The following VWC2 variants were observed in gnomAD, a reference collection of about 807,000 sequenced individuals.
The protein encoded by VWC2 is brorin.
A neutral mutation model predicts 29.8 loss-of-function variants in VWC2; 14 were observed. The ratio of observed to expected loss-of-function variants is 0.47; its 90% CI spans 0.31 to 0.74. The LOEUF is 0.74. Among genes scored for constraint, VWC2 ranks in the 30% least tolerant of loss-of-function variants. The pLI, the probability that VWC2 is intolerant of heterozygous loss-of-function variation, is 0.05. For synonymous variants in VWC2, 213 were observed against 199.0 expected, an observed-to-expected ratio of 1.07 and a Z score of -0.59; for missense variants, 457 against 459.8, an observed-to-expected ratio of 0.99 and a Z score of 0.05.
chr7:49,798,790 G>A (rs1788661564), intron 2 of VWC2, among the ~76,000 whole-genome samples: 1 of 152,190 alleles, frequency 6.6e-6, no homozygotes, highest in African/African-American at 2.4e-5. Context: ...TGGGGTTTGT[G>A]TTTGTTTTAT....
intron 3 of VWC2, among the ~76,000 whole-genome samples, chr7:49,811,431 C>A (rs2128707518): frequency 6.6e-6 from 1 of 152,294 alleles, no homozygotes; most frequent in East Asian, 1.9e-4. Flanking sequence ...GCTTTCTCCC[C>A]ACTTCACTCT....
chr7:49,837,672 A>C (rs965580355), intron 3 of VWC2, among the ~76,000 whole-genome samples: 2 of 152,210 alleles, frequency 1.3e-5, no homozygotes, highest in African/African-American at 4.8e-5. Context: ...GAAGGAAAAA[A>C]GATAAATTGA....
In VWC2 at chr7:49,915,487, CATAA is replaced by C. The variant is rs1793667386; in HGVS notation, c.*3305_*3308del. 6.6e-6 allele frequency: 1 copy of C among 152,140 alleles called. No homozygotes were observed. The highest frequency in any genetic ancestry group is 2.4e-5 in the African/African-American group (1 of 41,454). 9.4% of individuals were successfully genotyped at this position (152,140 alleles called of 1,614,324 possible). ...TAAACTTTCTTCCCTCGTTCTCCAA[CATAA>C]ATGTTGCATTTATATAAGGTTAAAA... On this transcript the variant is annotated 3_prime_UTR_variant, in exon 4 of 4. Transcript: ENST00000340652.
intron 3 of VWC2, among the ~76,000 whole-genome samples, chr7:49,862,212 T>G (rs947483922): frequency 1.3e-5 from 2 of 152,204 alleles, no homozygotes; most frequent in Non-Finnish European, 2.9e-5. Flanking sequence ...TATTCCTAGA[T>G]ATTTTATTAT....
At chr7:49,870,174 G>A (rs1056557473) in intron 3 of VWC2, among the ~76,000 whole-genome samples, 1 of 152,176 alleles carries the variant, frequency 6.6e-6, no homozygotes, top group African/African-American at 2.4e-5. Flanking sequence ...ACCGAGGTGG[G>A]CGGATCACGA....
chr7:49,791,786 C>A (rs1788467325), intron 2 of VWC2, among the ~76,000 whole-genome samples: 1 of 152,216 alleles, frequency 6.6e-6, no homozygotes. Context: ...GTTATACATT[C>A]TTTAATTCTT....
chr7:49,888,539 T>A (rs1345272515), intron 3 of VWC2, among the ~76,000 whole-genome samples: 1 of 152,190 alleles, frequency 6.6e-6, no homozygotes, highest in Non-Finnish European at 1.5e-5. Flanking sequence ...GGCTTCAGTA[T>A]CTGAGATCAT....
intron 3 of VWC2, among the ~76,000 whole-genome samples, chr7:49,880,269 G>A (rs1238514634): frequency 6.6e-6 from 1 of 152,000 alleles, no homozygotes; most frequent in East Asian, 1.9e-4. Flanking sequence ...TCCATATATA[G>A]AACCACACTT....
At chr7:49,852,099 G>T (rs1380123202) in intron 3 of VWC2, among the ~76,000 whole-genome samples, 2 of 152,216 alleles carry the variant, frequency 1.3e-5, no homozygotes, top group African/African-American at 4.8e-5. Flanking sequence ...AGGCCAGCAG[G>T]CACCAGTACC....
chr7:49,775,523 A>G lies in VWC2; in HGVS notation c.88A>G (p.Ser30Gly). 1 of 1,576,858 alleles carries G rather than the reference A, an allele frequency of 6.3e-7. No homozygotes were observed. The highest frequency in any genetic ancestry group is 8.6e-7 in the Non-Finnish European group (1 of 1,165,746). The part of the protein sequence containing the change: ...CCLMVALCSP[S>G]IPLEKLAQAP... ...CCTGATGGTGGCTCTGTGCAGTCCGAGCATCCCGCTGGAGAAGCTGGCCCA... is the reference window on the plus strand; with the variant it reads ...CCTGATGGTGGCTCTGTGCAGTCCGGGCATCCCGCTGGAGAAGCTGGCCCA... Residue 30 changes from serine (S) to glycine (G), a missense_variant, in exon 2 of 4, where the codon AGC (serine) becomes GGC (glycine). This residue lies in a region of VWC2 where 272 missense variants were observed against 202.7 expected (regional missense o/e 1.34). Coordinates refer to ENST00000340652, the MANE Select transcript of VWC2 (RefSeq NM_198570.5).
chr7:49,885,803 G>A (rs957791341), intron 3 of VWC2, among the ~76,000 whole-genome samples: 9 of 152,188 alleles, frequency 5.9e-5, no homozygotes, highest in Non-Finnish European at 5.9e-5. Flanking sequence ...CACTAGCACC[G>A]GGGACGCAGC....
intron 3 of VWC2, among the ~76,000 whole-genome samples, chr7:49,848,840 A>C (rs182459282): frequency 1.0e-3 from 156 of 152,366 alleles, no homozygotes; most frequent in African/African-American, 3.7e-3. Context: ...ATAGTCAATA[A>C]AATGATTACA....
chr7:49,864,507 T>A (rs987790837), intron 3 of VWC2, among the ~76,000 whole-genome samples: 1 of 152,188 alleles, frequency 6.6e-6, no homozygotes, highest in African/African-American at 2.4e-5. Flanking sequence ...GGAAGCTCTT[T>A]CTGGGCTCTT....
intron 3 of VWC2, among the ~76,000 whole-genome samples, chr7:49,834,190 G>A (rs1233525017): frequency 6.6e-6 from 1 of 152,122 alleles, no homozygotes; most frequent in Non-Finnish European, 1.5e-5. Flanking sequence ...GGGCTGTTCT[G>A]GTTAGCTGAA....
intron 3 of VWC2, among the ~76,000 whole-genome samples, chr7:49,843,430 G>T (rs2128714115): frequency 6.6e-6 from 1 of 152,286 alleles, no homozygotes; most frequent in South Asian, 2.1e-4. Flanking sequence ...GTTTATATGT[G>T]CCAATTTCTT....
chr7:49,891,710 CT>C (rs1792136874), intron 3 of VWC2, among the ~76,000 whole-genome samples: 1 of 152,174 alleles, frequency 6.6e-6, no homozygotes, highest in Non-Finnish European at 1.5e-5. Context: ...ACATTTATTG[CT>C]TTCTGCTACA....
At position 49,921,362 on chromosome 7, in the gene VWC2, C is replaced by G. The variant is rs1327671231; in HGVS notation, c.*9177C>G. 6.6e-6 allele frequency: 1 copy of G among 152,182 alleles called. No homozygotes were observed. The highest frequency in any genetic ancestry group is 1.9e-4 in the East Asian group (1 of 5,204). The allele number at this position is 152,182 out of a possible 1,614,324, so 9.4% of individuals were successfully genotyped here. A position where few individuals can be genotyped will look rare whatever the true frequency, so the allele number is the denominator to read the frequency against. On this transcript the variant is annotated 3_prime_UTR_variant, in exon 4 of 4. Transcript: ENST00000340652. ...AGACATAGTCTCTAGAAACAAAGGC[C>G]AGAGCATCCTTTTAACATTTATATC...
chr7:49,903,514 A>C (rs1048924972), intron 3 of VWC2, among the ~76,000 whole-genome samples: 3 of 152,182 alleles, frequency 2.0e-5, no homozygotes, highest in Non-Finnish European at 4.4e-5. Context: ...ATATGATTCC[A>C]CTTACGTAGT....
chr7:49,895,733 A>ATCG (rs72567105), intron 3 of VWC2, among the ~76,000 whole-genome samples: 1 of 151,306 alleles, frequency 6.6e-6, no homozygotes, highest in African/African-American at 2.4e-5. Context: ...TTCTGCCTGC[A>ATCG]TATTTCTTGT....
Sources: gnomAD v4.1 joint callset for allele counts (sites outside exome capture counted in the v4.1 genomes callset) on GRCh38, gnomAD v4.1.1 for gene constraint, gnomAD v4.1.1 regional missense constraint, MANE v1.5 for transcripts, NCBI Gene and HGNC (gene_info 2026-07-23, HGNC 2026-07-21) for gene names.